GPATCH2: variants seen among roughly 807,000 people sequenced by gnomAD.
GPATCH2 encodes G-patch domain containing 2.
In GPATCH2, 51 loss-of-function variants were observed where a neutral mutation model predicts 58.0. The ratio of observed to expected loss-of-function variants is 0.88; its 90% CI spans 0.70 to 1.11. The LOEUF (loss-of-function observed/expected upper bound fraction) is 1.11, where lower values mean the gene tolerates loss of function less well. GPATCH2 is among the 50% of genes most tolerant of loss of function. The probability of loss-of-function intolerance (pLI) is 0.00; values close to 1 mark genes in which losing one functional copy is unlikely to be tolerated. For synonymous variants in GPATCH2, 222 were observed against 218.5 expected, an observed-to-expected ratio of 1.02 and a Z score of -0.14; for missense variants, 625 against 652.2, an observed-to-expected ratio of 0.96 and a Z score of 0.45.
chr1:217,505,063 G>C (rs974018077), intron 6 of GPATCH2, among the ~76,000 whole-genome samples: 1 of 152,146 alleles, frequency 6.6e-6, no homozygotes, highest in Non-Finnish European at 1.5e-5. Flanking sequence ...GAAAAATCTG[G>C]GAGTAGGGAG....
At chr1:217,596,377 G>A (rs1667828292) in intron 5 of GPATCH2, among the ~76,000 whole-genome samples, 1 of 152,126 alleles carries the variant, frequency 6.6e-6, no homozygotes. Flanking sequence ...TTGGGAAATT[G>A]GCCACAGGGT....
At chr1:217,436,750 G>A (rs1250452111) in intron 9 of GPATCH2, among the ~76,000 whole-genome samples, 1 of 152,004 alleles carries the variant, frequency 6.6e-6, no homozygotes, top group African/African-American at 2.4e-5. Context: ...AGTATTATTG[G>A]CCCCATTTTG....
chr1:217,558,967 T>TC (rs1467574103), intron 5 of GPATCH2, among the ~76,000 whole-genome samples: 1 of 151,958 alleles, frequency 6.6e-6, no homozygotes, highest in Admixed American at 6.6e-5. Context: ...GCAGCAAATA[T>TC]CCCCCTTCAG....
chr1:217,476,134 A>G (rs1660957365), intron 8 of GPATCH2, among the ~76,000 whole-genome samples: 1 of 152,130 alleles, frequency 6.6e-6, no homozygotes, highest in African/African-American at 2.4e-5. Flanking sequence ...ACCAGAACTA[A>G]AAGTGATATA....
chr1:217,438,051 CTT>C (rs1210654147), intron 9 of GPATCH2, among the ~76,000 whole-genome samples: 1 of 152,214 alleles, frequency 6.6e-6, no homozygotes, highest in African/African-American at 2.4e-5. Flanking sequence ...AGGCAGTAAT[CTT>C]TGCTGTTCTG....
rs538541676 is a variant in GPATCH2, at chr1:217,604,942, C to T, written c.1098+5379G>A. Among the ~76,000 whole-genome samples, 43 of 152,172 alleles carry T rather than the reference C, an allele frequency of 2.8e-4. 1 individual carries two copies. The highest frequency in any genetic ancestry group is 8.7e-4 in the African/African-American group (36 of 41,522). ...GGGGAGGCTGAGGCAGGAGAATCGC[C>T]TGACCCTGGGAGACAAAGGTTGCAA... On this transcript the variant is annotated intron_variant, in intron 5 of 9. Transcript: ENST00000366935.
chr1:217,527,568 C>A (rs190620809), intron 5 of GPATCH2, among the ~76,000 whole-genome samples: 3 of 151,460 alleles, frequency 2.0e-5, no homozygotes, highest in Non-Finnish European at 4.4e-5. Context: ...CAAGCCACTA[C>A]GTGCCTTTCT....
intron 5 of GPATCH2, among the ~76,000 whole-genome samples, chr1:217,555,584 T>C (rs1179838959): frequency 6.6e-6 from 1 of 152,188 alleles, no homozygotes; most frequent in Non-Finnish European, 1.5e-5. Flanking sequence ...ATGTCCATGA[T>C]ACTTATTAAT....
intron 5 of GPATCH2, among the ~76,000 whole-genome samples, chr1:217,595,499 CTTTT>C (rs1571983410): frequency 6.9e-6 from 1 of 145,826 alleles, no homozygotes. Context: ...GTGATATTTT[CTTTT>C]TTTCTTTTTT....
At position 217,619,763 on chromosome 1, in the gene GPATCH2, T is replaced by G; in HGVS notation, c.773+20A>C. The G allele has an allele frequency of 1.0e-6, 1 of 998,494 alleles. No individual in the cohort carries two copies. Among genetic ancestry groups the G allele is most frequent in the South Asian group, 2.3e-5 (1 of 43,936 alleles). 61.9% of individuals were successfully genotyped at this position (998,494 alleles called of 1,614,324 possible). A position where few individuals can be genotyped will look rare whatever the true frequency, so the allele number is the denominator to read the frequency against. ...ACACTGGAGATAAATATTTTTATAT[T>G]TAGAGAATATAAAAGTCACCTTTCA... is the stretch of plus-strand genomic sequence containing the variant. On this transcript the variant is annotated intron_variant, in intron 2 of 9. Coordinates refer to ENST00000366935, the MANE Select transcript of GPATCH2 (RefSeq NM_018040.5).
At chr1:217,622,001 G>A (rs1256768610) in intron 1 of GPATCH2, among the ~76,000 whole-genome samples, 4 of 152,194 alleles carry the variant, frequency 2.6e-5, no homozygotes, top group African/African-American at 4.8e-5. Context: ...CTAAGTAGTG[G>A]AGACAGGATT....
At chr1:217,436,747 T>C (rs2102529216) in intron 9 of GPATCH2, among the ~76,000 whole-genome samples, 1 of 152,284 alleles carries the variant, frequency 6.6e-6, no homozygotes, top group South Asian at 2.1e-4. Flanking sequence ...GGGAGTATTA[T>C]TGGCCCCATT....
intron 5 of GPATCH2, among the ~76,000 whole-genome samples, chr1:217,572,533 C>T (rs1666618149): frequency 6.6e-6 from 1 of 152,118 alleles, no homozygotes; most frequent in African/African-American, 2.4e-5. Flanking sequence ...ACCAGGTGCT[C>T]TATAATCCCT....
chr1:217,628,757 G>GA (rs1669582831), intron 1 of GPATCH2, among the ~76,000 whole-genome samples: 1 of 150,424 alleles, frequency 6.6e-6, no homozygotes, highest in Non-Finnish European at 1.5e-5. Flanking sequence ...CCTAAAAATT[G>GA]AAACAGCAAC....
chr1:217,484,881 C>T (rs753549466), intron 8 of GPATCH2, among the ~76,000 whole-genome samples: 2 of 151,720 alleles, frequency 1.3e-5, no homozygotes, highest in Non-Finnish European at 2.9e-5. Context: ...TATAAATACA[C>T]CAAAGTTGCA....
chr1:217,508,798 C>G (rs992177565), intron 6 of GPATCH2, among the ~76,000 whole-genome samples: 2 of 151,844 alleles, frequency 1.3e-5, no homozygotes, highest in Non-Finnish European at 2.9e-5. Context: ...GATTGAGGCT[C>G]TTGTCTTTTT....
rs376356495 is a variant in GPATCH2, at chr1:217,546,755, C to T, written c.1099-31866G>A. 7.9e-5 allele frequency among the ~76,000 whole-genome samples: 12 copies of T among 152,250 alleles called. No homozygotes were observed. The East Asian group carries it at 1.9e-3, about 24-fold the overall frequency. ...CAAAGAAAAAGTTGACAAATGGGAT[C>T]TAACTAAAGAGCTTCTGTACAGACA... On this transcript the variant is annotated intron_variant, in intron 5 of 9. Coordinates refer to ENST00000366935, the MANE Select transcript of GPATCH2 (RefSeq NM_018040.5).
At chr1:217,460,075 C>T (rs900844656) in intron 8 of GPATCH2, among the ~76,000 whole-genome samples, 6 of 152,124 alleles carry the variant, frequency 3.9e-5, no homozygotes, top group African/African-American at 1.4e-4. Flanking sequence ...ATCTGAACTA[C>T]TACAAACATC....
At chr1:217,495,084 G>A (rs1661947073) in intron 7 of GPATCH2, 1 of 694,704 alleles carries the variant, frequency 1.4e-6, no homozygotes, top group Non-Finnish European at 1.8e-6. Context: ...ACCTGCAGAT[G>A]TATATTAAAA....
Sources: gnomAD v4.1 joint callset for allele counts (sites outside exome capture counted in the v4.1 genomes callset) on GRCh38, gnomAD v4.1.1 for gene constraint, MANE v1.5 for transcripts, NCBI Gene and HGNC (gene_info 2026-07-23, HGNC 2026-07-21) for gene names.